AXDND1: variants seen among roughly 807,000 people sequenced by gnomAD.
AXDND1 encodes the protein axonemal dynein light chain domain-containing protein 1.
In AXDND1, 110 loss-of-function variants were observed where a neutral mutation model predicts 137.5. That is an observed-to-expected ratio of 0.80 (90% CI 0.69 to 0.94). AXDND1 has a LOEUF of 0.94. Ranked by LOEUF, AXDND1 falls within the 40% of genes least tolerant of loss-of-function variation. The pLI is 0.00. For synonymous variants in AXDND1, 414 were observed against 399.7 expected (o/e 1.04, Z -0.43); for missense variants, 1,191 against 1,169.8 (o/e 1.02, Z -0.26).
chr1:179,546,544 G>A (rs964840060), intron 25 of AXDND1, among the ~76,000 whole-genome samples: 1 of 152,154 alleles, frequency 6.6e-6, no homozygotes, highest in Non-Finnish European at 1.5e-5. Context: ...AGGCTGTTGT[G>A]CTTGCATATG....
intron 11 of AXDND1, among the ~76,000 whole-genome samples, chr1:179,409,641 G>A (rs1653539604): frequency 6.6e-6 from 1 of 152,104 alleles, no homozygotes; most frequent in East Asian, 1.9e-4. Flanking sequence ...AGCACCCCTG[G>A]GAGGCTGAGG....
chr1:179,421,862 ACT>A (rs1655785878), intron 12 of AXDND1, among the ~76,000 whole-genome samples: 2 of 150,810 alleles, frequency 1.3e-5, no homozygotes, highest in African/African-American at 4.9e-5. Flanking sequence ...ACATGGTAAA[ACT>A]CTGTCTCTAC....
At chr1:179,393,576 C>T (rs1410281965) in intron 9 of AXDND1, among the ~76,000 whole-genome samples, 1 of 152,014 alleles carries the variant, frequency 6.6e-6, no homozygotes, top group Non-Finnish European at 1.5e-5. Flanking sequence ...GTCATTTTCA[C>T]AATATTGATT....
At chr1:179,495,456 A>G (rs1667347620) in intron 20 of AXDND1, among the ~76,000 whole-genome samples, 2 of 152,106 alleles carry the variant, frequency 1.3e-5, no homozygotes, top group African/African-American at 4.8e-5. Context: ...TATACATGGT[A>G]TTATTTTATA....
intron 16 of AXDND1, among the ~76,000 whole-genome samples, chr1:179,457,990 C>CTTT (rs34295838): frequency 0.14 from 19,668 of 145,448 alleles, 1,465 homozygotes; most frequent in East Asian, 0.34. Flanking sequence ...CTTTCCTTCT[C>CTTT]TTTTTTTTTT....
At chr1:179,502,583 AAAG>A (rs1383911323) in intron 20 of AXDND1, among the ~76,000 whole-genome samples, 5 of 146,912 alleles carry the variant, frequency 3.4e-5, no homozygotes, top group Admixed American at 1.4e-4. Flanking sequence ...AAAAAAAAAA[AAAG>A]AAATTGCAAA....
chr1:179,534,889 A>G lies in AXDND1; in HGVS notation c.2958A>G (p.Val986=). The change falls in exon 25 of 26, where the codon GTA becomes GTG. Residue 986 remains valine, a synonymous_variant. Coordinates refer to ENST00000367618, the MANE Select transcript of AXDND1 (RefSeq NM_144696.6). ...AAGAAAATCAAGATGAAAGAGAAGT[A>G]AAAGAAGAAGAAGAACAACAAGAAG... ...EEKENQDERE[V]KEEEEQQEEE... is the part of the protein sequence containing the mutation. 1.3e-6 allele frequency: 2 copies of G among 1,592,980 alleles called. No homozygotes were observed. Among genetic ancestry groups the G allele is most frequent in the Non-Finnish European group, 1.7e-6 (2 of 1,169,758 alleles).
intron 21 of AXDND1, among the ~76,000 whole-genome samples, chr1:179,523,802 CACCCATTACCCAAGCAGTGT>C (rs1242423945): frequency 3.3e-5 from 5 of 151,940 alleles, no homozygotes; most frequent in Admixed American, 1.3e-4. Context: ...GATTTTGGTG[CACCCATTACCCAAGCAGTGT>C]ACACTGTACC....
chr1:179,509,470 C>T, intron 21 of AXDND1, 67 bp downstream of exon 21: 2 of 1,015,798 alleles, frequency 2.0e-6, no homozygotes, highest in Non-Finnish European at 3.0e-6. Flanking sequence ...AGAAGGTTCA[C>T]AGCTTTTTCC....
At chr1:179,532,821 G>C (rs2125703889) in intron 23 of AXDND1, 1 of 152,410 alleles carries the variant, frequency 6.6e-6, no homozygotes, top group Non-Finnish European at 1.5e-5. Context: ...TGAGGTCAAG[G>C]CTACAGTGAG....
intron 21 of AXDND1, among the ~76,000 whole-genome samples, chr1:179,514,217 C>T (rs1307051436): frequency 1.3e-5 from 2 of 152,064 alleles, no homozygotes; most frequent in South Asian, 2.1e-4. Context: ...ATGCTATGAA[C>T]TCTTCTCTTA....
At chr1:179,505,253 C>A (rs1314488448) in intron 20 of AXDND1, among the ~76,000 whole-genome samples, 1 of 152,184 alleles carries the variant, frequency 6.6e-6, no homozygotes, top group African/African-American at 2.4e-5. Flanking sequence ...TAGCATTTGA[C>A]CTACTAGACT....
At chr1:179,458,147 T>C (rs966652181) in intron 16 of AXDND1, among the ~76,000 whole-genome samples, 4 of 151,972 alleles carry the variant, frequency 2.6e-5, no homozygotes, top group African/African-American at 7.3e-5. Context: ...ATGCTGTGAC[T>C]CCTGGCTAAT....
Position 179,385,252 on chromosome 1 carries a change from A to G in AXDND1, c.756A>G (p.Leu252=), listed in dbSNP as rs751290512. ...YTGPTKMHKL[L]HILKKEQTIY... Reference sequence around the variant, plus strand: ...CCTTCTGACAGATGCACAAACTACTACATATATTGAAGAAGGAACAGACCA... The same window carrying G: ...CCTTCTGACAGATGCACAAACTACTGCATATATTGAAGAAGGAACAGACCA... Residue 252 remains leucine (L), a synonymous_variant, in exon 9 of 26, where the codon CTA becomes CTG. Coordinates refer to ENST00000367618, the MANE Select transcript of AXDND1 (RefSeq NM_144696.6). 3.7e-5 allele frequency: 60 copies of G among 1,609,710 alleles called. No homozygotes were observed. In the Admixed American group the frequency reaches 6.3e-4, roughly 17 times the overall value.
intron 15 of AXDND1, among the ~76,000 whole-genome samples, chr1:179,433,680 A>G (rs12410221): frequency 0.12 from 17,780 of 152,088 alleles, 1,224 homozygotes; most frequent in East Asian, 0.35. Context: ...GTTTTGAGTG[A>G]GTTTCTTAAT....
chr1:179,423,649 G>GT (rs1315001247), intron 12 of AXDND1, among the ~76,000 whole-genome samples: 2 of 151,014 alleles, frequency 1.3e-5, no homozygotes, highest in Non-Finnish European at 3.0e-5. Flanking sequence ...TGTATAACAG[G>GT]TTTTTTTAAA....
intron 12 of AXDND1, among the ~76,000 whole-genome samples, chr1:179,421,057 CT>C: frequency 8.9e-6 from 1 of 112,932 alleles, no homozygotes; most frequent in East Asian, 4.7e-4. Context: ...TCCTTCCTTC[CT>C]TCCTTCCTTC....
chr1:179,370,684 T>A lies in AXDND1; in HGVS notation c.374+606T>A, dbSNP rs180871492. Among the ~76,000 whole-genome samples, 461 of 152,338 alleles carry A rather than the reference T, an allele frequency of 3.0e-3. 3 individuals are homozygous for A. The highest frequency in any genetic ancestry group is 0.01 in the African/African-American group (427 of 41,578). ...TGAGACCTGCTAGTTTTCTATGTAT[T>A]GTCCACTTATCAATTTACTCCATGC... On this transcript the variant is annotated intron_variant, in intron 4 of 25. Coordinates refer to ENST00000367618, the MANE Select transcript of AXDND1 (RefSeq NM_144696.6).
At chr1:179,493,187 C>T (rs554947355) in intron 20 of AXDND1, among the ~76,000 whole-genome samples, 1 of 130,032 alleles carries the variant, frequency 7.7e-6, no homozygotes, top group East Asian at 2.5e-4. Context: ...CTCATCTTGT[C>T]ACCAATGTCT....
Sources: gnomAD v4.1 joint callset for allele counts (sites outside exome capture counted in the v4.1 genomes callset) on GRCh38, gnomAD v4.1.1 for gene constraint, MANE v1.5 for transcripts, NCBI Gene and HGNC (gene_info 2026-07-23, HGNC 2026-07-21) for gene names.